The following TENM1 variants were observed in gnomAD, a reference collection of about 807,000 sequenced individuals.
TENM1 encodes teneurin transmembrane protein 1.
Under a neutral mutation model 174.8 loss-of-function variants are expected in TENM1, and 35 were observed. The observed-to-expected ratio is 0.20, with a 90% confidence interval of 0.15 to 0.27. The LOEUF is 0.27. TENM1 is among the 10% of genes least tolerant of loss of function. The pLI, the probability that TENM1 is intolerant of heterozygous loss-of-function variation, is 1.00. For synonymous variants in TENM1, 781 were observed against 798.7 expected (o/e 0.98, Z 0.37); for missense variants, 1,633 against 2,130.1 (o/e 0.77, Z 4.59).
chrX:124,865,461 G>A (rs985265781), intron 3 of TENM1, among the ~76,000 whole-genome samples: 6 of 111,320 alleles, frequency 5.4e-5, no homozygotes, highest in African/African-American at 2.0e-4. Flanking sequence ...AAAATAATGG[G>A]TTATAAGGTA....
chrX:124,946,166 G>A (rs1200298052), intron 1 of TENM1, among the ~76,000 whole-genome samples: 4 of 111,557 alleles, frequency 3.6e-5, no homozygotes, highest in Non-Finnish European at 7.5e-5. Context: ...TGAAAAAAAC[G>A]TGTTGTTAGT....
the TENM1 span, among the ~76,000 whole-genome samples, chrX:125,060,150 T>G: frequency 1.1e-4 from 11 of 101,591 alleles, no homozygotes; most frequent in Non-Finnish European, 1.8e-4. Flanking sequence ...ACTTTCGCTC[T>G]CTCTCTCTCC....
intron 16 of TENM1, among the ~76,000 whole-genome samples, chrX:124,524,805 T>A (rs1280456830): frequency 3.8e-5 from 4 of 106,183 alleles, no homozygotes; most frequent in Non-Finnish European, 7.7e-5. Context: ...CTCTTTTAAG[T>A]ATAATGACGT....
chrX:124,625,063 C>T (rs2050604738), intron 11 of TENM1, among the ~76,000 whole-genome samples: 1 of 111,799 alleles, frequency 8.9e-6, no homozygotes, highest in Non-Finnish European at 1.9e-5. Context: ...GATCAAAGAT[C>T]CATGGGAAAC....
intron 11 of TENM1, among the ~76,000 whole-genome samples, chrX:124,634,374 T>C (rs778024592): frequency 2.7e-5 from 3 of 111,518 alleles, no homozygotes; most frequent in African/African-American, 9.7e-5. Flanking sequence ...CAGGTGTGTG[T>C]CCAAAGCTGC....
exon 10 of TENM1, chrX:124,645,213 A>G (rs2051127316): frequency 5.0e-6 from 6 of 1,211,782 alleles, no homozygotes; most frequent in Middle Eastern, 2.3e-4. Context: ...TGCCGTGGCC[A>G]AAGCATGTTG....
At chrX:125,197,919 C>T in the TENM1 span, among the ~76,000 whole-genome samples, 1 of 111,913 alleles carries the variant, frequency 8.9e-6, no homozygotes, top group Admixed American at 9.5e-5. Flanking sequence ...AATTTGCTTA[C>T]AGCTACAAAT....
At chrX:125,149,483 T>C in the TENM1 span, among the ~76,000 whole-genome samples, 1 of 112,318 alleles carries the variant, frequency 8.9e-6, no homozygotes, top group African/African-American at 3.2e-5. Context: ...TTTGCATCCC[T>C]AGTGCTCAGC....
the TENM1 span, among the ~76,000 whole-genome samples, chrX:125,140,784 T>G: frequency 8.9e-6 from 1 of 112,068 alleles, no homozygotes; most frequent in African/African-American, 3.2e-5. Flanking sequence ...CTAAGTAATA[T>G]TTTTTCTACT....
chrX:124,444,822 G>A (rs1186101537), intron 23 of TENM1, among the ~76,000 whole-genome samples: 3 of 111,266 alleles, frequency 2.7e-5, no homozygotes, highest in Non-Finnish European at 5.7e-5. Flanking sequence ...CATGTAAAAT[G>A]AAGTATAGTT....
the TENM1 span, among the ~76,000 whole-genome samples, chrX:125,041,124 A>G: frequency 1.8e-5 from 2 of 111,859 alleles, no homozygotes; most frequent in Admixed American, 1.9e-4. Context: ...GTTCTATTTC[A>G]GAATCACTTT....
chrX:124,970,560 T>C, the TENM1 span, among the ~76,000 whole-genome samples: 1 of 112,574 alleles, frequency 8.9e-6, no homozygotes, highest in African/African-American at 3.2e-5. Context: ...CTTAACTTTC[T>C]TTGTTTTTCT....
intron 4 of TENM1, among the ~76,000 whole-genome samples, chrX:124,717,325 A>G (rs1401590037): frequency 9.0e-6 from 1 of 111,467 alleles, no homozygotes; most frequent in South Asian, 3.8e-4. Context: ...CCCTATGCCC[A>G]CTCCCCACTG....
intron 1 of TENM1, among the ~76,000 whole-genome samples, chrX:124,943,482 A>T (rs1035619197): frequency 8.9e-6 from 1 of 112,169 alleles, no homozygotes; most frequent in African/African-American, 3.2e-5. Flanking sequence ...AGTAAAACAA[A>T]AGCCAAAATA....
At chrX:124,539,902 T>A (rs1008357193) in intron 15 of TENM1, among the ~76,000 whole-genome samples, 2 of 111,718 alleles carry the variant, frequency 1.8e-5, no homozygotes, top group Non-Finnish European at 3.8e-5. Context: ...CATCTCTGGA[T>A]TATTGCTGAA....
chrX:124,461,234 A>G (rs926662306), intron 22 of TENM1, among the ~76,000 whole-genome samples: 1 of 112,243 alleles, frequency 8.9e-6, no homozygotes, highest in Non-Finnish European at 1.9e-5. Context: ...TAAAAAAGAT[A>G]GGGAATAATG....
intron 11 of TENM1, among the ~76,000 whole-genome samples, chrX:124,571,868 G>C (rs186282598): frequency 4.5e-5 from 5 of 110,582 alleles, no homozygotes; most frequent in African/African-American, 1.6e-4. Context: ...CAGAGAACAG[G>C]AAAAAAGGGA....
intron 1 of TENM1, among the ~76,000 whole-genome samples, chrX:124,903,027 G>T (rs192054909): frequency 2.7e-5 from 3 of 111,260 alleles, no homozygotes; most frequent in African/African-American, 9.8e-5. Flanking sequence ...TTTTTCTGGG[G>T]CACAGGAGTG....
At chrX:125,163,641 A>G in the TENM1 span, among the ~76,000 whole-genome samples, 1 of 111,682 alleles carries the variant, frequency 9.0e-6, no homozygotes, top group South Asian at 3.8e-4. Flanking sequence ...CCTGTTTCCT[A>G]ACAATAGTCA....
Sources: allele counts gnomAD v4.1 joint callset (sites outside exome capture counted in the v4.1 genomes callset), GRCh38; gene constraint gnomAD v4.1.1; transcripts MANE v1.5; gene names NCBI Gene and HGNC (gene_info 2026-07-23, HGNC 2026-07-21).